EML6: variants seen among roughly 807,000 people sequenced by gnomAD.
EML6 encodes the protein echinoderm microtubule-associated protein-like 6.
Under a neutral mutation model 240.1 loss-of-function variants are expected in EML6, and 154 were observed. The ratio of observed to expected loss-of-function variants is 0.64; its 90% CI spans 0.56 to 0.73. The LOEUF is 0.73. Among genes scored for constraint, EML6 ranks in the 30% least tolerant of loss-of-function variants. The probability of loss-of-function intolerance (pLI) is 0.00; values close to 1 mark genes in which losing one functional copy is unlikely to be tolerated. For missense variants in EML6, 2,964 were observed against 2,474.6 expected (o/e 1.20, Z -4.20); for synonymous variants, 1,148 against 899.0 (o/e 1.28, Z -4.95).
chr2:54,927,122 G>C (rs898796615), intron 26 of EML6, among the ~76,000 whole-genome samples: 2 of 152,098 alleles, frequency 1.3e-5, no homozygotes, highest in Non-Finnish European at 2.9e-5. Context: ...CTGCCTATTT[G>C]CTAGCAAACT....
intron 2 of EML6, among the ~76,000 whole-genome samples, chr2:54,805,761 G>A (rs964711456): frequency 1.3e-5 from 2 of 152,044 alleles, no homozygotes; most frequent in African/African-American, 2.4e-5. Flanking sequence ...AGGTCACAAA[G>A]ATTTTCTTAT....
chr2:54,907,324 T>C (rs1673376363), intron 24 of EML6, among the ~76,000 whole-genome samples: 1 of 152,064 alleles, frequency 6.6e-6, no homozygotes. Context: ...CTGGCCAAAA[T>C]GGTGAAACCC....
intron 3 of EML6, among the ~76,000 whole-genome samples, chr2:54,814,475 C>T (rs969913086): frequency 6.6e-6 from 1 of 152,196 alleles, no homozygotes; most frequent in African/African-American, 2.4e-5. Context: ...TCATCTCCTC[C>T]CTAAGGCGGG....
chr2:54,920,426 T>C lies in EML6; in HGVS notation c.3675+3491T>C, dbSNP rs913061465. On this transcript the variant is annotated intron_variant, in intron 26 of 41. Transcript: ENST00000356458. ...GATAACCTGGAAGAAATGAAACATATCTGGAAATACACAGCCTACCAAAAC... is the reference window on the plus strand; with the variant it reads ...GATAACCTGGAAGAAATGAAACATACCTGGAAATACACAGCCTACCAAAAC... 3.3e-5 allele frequency among the ~76,000 whole-genome samples: 5 copies of C among 152,084 alleles called. No homozygotes were observed. The East Asian group carries it at 5.8e-4, about 18-fold the overall frequency.
At chr2:54,788,322 C>T (rs964597597) in intron 2 of EML6, among the ~76,000 whole-genome samples, 30 of 152,122 alleles carry the variant, frequency 2.0e-4, no homozygotes, top group Non-Finnish European at 2.8e-4. Flanking sequence ...TTTGTTGTGC[C>T]GGCTCCTGTG....
At chr2:54,869,091 G>T in intron 14 of EML6, 90 bp from the exon 15 acceptor site, 1 of 804,248 alleles carries the variant, frequency 1.2e-6, no homozygotes, top group Non-Finnish European at 2.0e-6. Flanking sequence ...ACATGTTCAC[G>T]TCAATATGTT....
chr2:54,936,212 A>G (rs1573177952), intron 28 of EML6, among the ~76,000 whole-genome samples: 1 of 152,252 alleles, frequency 6.6e-6, no homozygotes, highest in Admixed American at 6.5e-5. Context: ...TGTGGTAACT[A>G]CACGATCACA....
At chr2:54,823,303 G>T (rs185000222) in intron 5 of EML6, among the ~76,000 whole-genome samples, 5 of 152,262 alleles carry the variant, frequency 3.3e-5, no homozygotes, top group African/African-American at 1.2e-4. Flanking sequence ...GAAGGGTCGG[G>T]AGGCAGAACT....
chr2:54,893,054 C>A (rs1672561895), intron 19 of EML6, among the ~76,000 whole-genome samples: 1 of 152,160 alleles, frequency 6.6e-6, no homozygotes, highest in South Asian at 2.1e-4. Flanking sequence ...TTCCAGACGT[C>A]CATTTGCTAC....
At position 54,725,934 on chromosome 2, in the gene EML6, G is replaced by C. The variant is rs956702221; in HGVS notation, c.197+676G>C. ...ACACAATGACCAACATCTGCTAGCGGATGGCCCAAGACTGACTGACAGGAG... is the reference window on the plus strand; with the variant it reads ...ACACAATGACCAACATCTGCTAGCGCATGGCCCAAGACTGACTGACAGGAG... On this transcript the variant is annotated intron_variant, in intron 2 of 41. Transcript: ENST00000356458. The surrounding 1 kb of genome is among the most constrained non-coding windows in gnomAD (Gnocchi z 4.3). Among the ~76,000 whole-genome samples, 1 of 151,932 alleles carries C rather than the reference G, an allele frequency of 6.6e-6. No individual in the cohort carries two copies. Among genetic ancestry groups the C allele is most frequent in the Non-Finnish European group, 1.5e-5 (1 of 67,950 alleles).
At chr2:54,921,121 A>T (rs1674227910) in intron 26 of EML6, among the ~76,000 whole-genome samples, 1 of 152,112 alleles carries the variant, frequency 6.6e-6, no homozygotes, top group African/African-American at 2.4e-5. Context: ...GCAATTAAGC[A>T]AGCAAAAGAG....
chr2:54,946,529 C>A (rs1483558837), intron 28 of EML6, among the ~76,000 whole-genome samples: 3 of 152,204 alleles, frequency 2.0e-5, no homozygotes, highest in Non-Finnish European at 4.4e-5. Flanking sequence ...AACTGTTAAA[C>A]CTCCAGTGTT....
intron 2 of EML6, among the ~76,000 whole-genome samples, chr2:54,766,384 T>G (rs551158228): frequency 1.1e-4 from 16 of 152,330 alleles, no homozygotes; most frequent in African/African-American, 3.6e-4. Flanking sequence ...ATAACCTTGA[T>G]ACTTCTGAAG....
chr2:54,957,191 T>A (rs2104513965), intron 32 of EML6, among the ~76,000 whole-genome samples: 1 of 152,054 alleles, frequency 6.6e-6, no homozygotes, highest in East Asian at 1.9e-4. Flanking sequence ...AAGTAAATGG[T>A]AGAGTTGGAA....
chr2:54,912,482 G>T (rs113648339), intron 25 of EML6, among the ~76,000 whole-genome samples: 9 of 152,130 alleles, frequency 5.9e-5, no homozygotes, highest in African/African-American at 2.2e-4. Context: ...GTATGACACT[G>T]AGGACTGGCA....
intron 38 of EML6, chr2:54,966,678 G>C (rs1274923235): frequency 5.6e-6 from 1 of 178,028 alleles, no homozygotes; most frequent in Admixed American, 6.0e-5. Context: ...GTCTGGGTAG[G>C]TTTGGGGTGG....
intron 2 of EML6, among the ~76,000 whole-genome samples, chr2:54,777,660 A>G (rs1668661257): frequency 6.6e-6 from 1 of 152,106 alleles, no homozygotes; most frequent in African/African-American, 2.4e-5. Context: ...TCTGTTGGGC[A>G]CTGGAATCTT....
chr2:54,954,097 T>C lies in EML6; in HGVS notation c.4427T>C (p.Leu1476Pro), dbSNP rs1676117815. 6 of 1,551,432 alleles carry C rather than the reference T, an allele frequency of 3.9e-6. No individual in the cohort carries two copies. The highest frequency in any genetic ancestry group is 2.0e-5 in the Admixed American group (1 of 50,942). Residue 1476 changes from leucine (L) to proline (P), a missense_variant, in exon 32 of 42, where the codon CTC becomes CCC. Coordinates refer to ENST00000356458, the MANE Select transcript of EML6 (RefSeq NM_001039753.4). ...NYINFSATGK[L>P]LVSVGVDPEH... ...ATCAACTTCAGTGCAACTGGAAAGCTCCTGGTGTCGGTGGGAGTGGACCCT... is the reference window on the plus strand; with the variant it reads ...ATCAACTTCAGTGCAACTGGAAAGCCCCTGGTGTCGGTGGGAGTGGACCCT...
In EML6 at chr2:54,770,314, G is replaced by A. The variant is rs77764121; in HGVS notation, c.198-42918G>A. Among the ~76,000 whole-genome samples, 951 of 152,282 alleles carry A rather than the reference G, an allele frequency of 6.2e-3. 7 individuals are homozygous for A. The highest frequency in any genetic ancestry group is 0.022 in the African/African-American group (911 of 41,544). On this transcript the variant is annotated intron_variant, in intron 2 of 41. Coordinates refer to ENST00000356458, the MANE Select transcript of EML6 (RefSeq NM_001039753.4). ...GGGACAACAGGTGTAAGCTGGGACC[G>A]TTGGACATTTGGTCACTCTAAAAGT... is the stretch of plus-strand genomic sequence containing the variant.
Sources: allele counts gnomAD v4.1 joint callset (sites outside exome capture counted in the v4.1 genomes callset), GRCh38; gene constraint gnomAD v4.1.1; non-coding constraint Gnocchi (gnomAD v3.1); transcripts MANE v1.5; gene names NCBI Gene and HGNC (gene_info 2026-07-23, HGNC 2026-07-21).